Variants in TMEM232 observed in about 807,000 individuals in gnomAD.
The protein encoded by TMEM232 is transmembrane protein 232.
TMEM232 carries 80 observed loss-of-function variants against 78.8 expected under a neutral mutation model. The observed-to-expected ratio is 1.01, with a 90% CI of 0.85 to 1.22. The LOEUF (loss-of-function observed/expected upper bound fraction) is 1.22, where lower values mean the gene tolerates loss of function less well. Among genes scored for constraint, TMEM232 ranks in the 50% most tolerant of loss-of-function variants. The probability of loss-of-function intolerance (pLI) is 0.00; values close to 1 mark genes in which losing one functional copy is unlikely to be tolerated. For missense variants in TMEM232, 881 were observed against 742.2 expected (o/e 1.19, Z -2.17); for synonymous variants, 297 against 254.3 (o/e 1.17, Z -1.60).
At chr5:110,726,714 C>G (rs1798192400), upstream of TMEM232, 1 of 152,228 alleles carries the variant, frequency 6.6e-6, no homozygotes, top group Non-Finnish European at 1.5e-5. Context: ...CTTTTACGGT[C>G]TCGTGACCAG....
At chr5:110,663,816 T>C (rs1231393579) in intron 2 of TMEM232, among the ~76,000 whole-genome samples, 1 of 151,446 alleles carries the variant, frequency 6.6e-6, no homozygotes, top group Non-Finnish European at 1.5e-5. Flanking sequence ...ATAGAAAGCA[T>C]CAAGCAAATT....
chr5:110,429,664 T>G (rs937823677), intron 12 of TMEM232, among the ~76,000 whole-genome samples: 1 of 151,778 alleles, frequency 6.6e-6, no homozygotes, highest in Admixed American at 6.6e-5. Context: ...GGGGAAGATA[T>G]TTTATCAATT....
At chr5:110,576,434 A>T (rs1777580997) in intron 10 of TMEM232, among the ~76,000 whole-genome samples, 1 of 152,150 alleles carries the variant, frequency 6.6e-6, no homozygotes, top group Non-Finnish European at 1.5e-5. Flanking sequence ...AAGAAGAATC[A>T]ATATTGTTAA....
At chr5:110,652,957 C>T (rs116341810) in intron 2 of TMEM232, among the ~76,000 whole-genome samples, 2,214 of 152,318 alleles carry the variant, frequency 0.015, 31 homozygotes, top group Non-Finnish European at 0.021. Context: ...GTTAAATAGG[C>T]ATGCCATCCA....
intron 12 of TMEM232, among the ~76,000 whole-genome samples, chr5:110,494,701 G>A (rs1765459713): frequency 1.3e-5 from 2 of 151,954 alleles, no homozygotes; most frequent in African/African-American, 2.4e-5. Context: ...AATCCTGAAT[G>A]TCCATTGACA....
rs1488248169 is a variant in TMEM232, at chr5:110,670,217, G to T, written c.-12-2853C>A. ...GTCCCTGTTTGCAGATGACATGATT[G>T]TATATTTAGAAAACCCCATTGTCTC... is the stretch of plus-strand genomic sequence containing the variant. On this transcript the variant is annotated intron_variant, in intron 1 of 13. Transcript: ENST00000455884. Among the ~76,000 whole-genome samples, 12 of 152,286 alleles carry T rather than the reference G, an allele frequency of 7.9e-5. No individual in the cohort carries two copies. The South Asian group carries it at 2.5e-3, about 32-fold the overall frequency.
chr5:110,388,253 A>G (rs1356101342), intron 4 of TMEM232, among the ~76,000 whole-genome samples: 1 of 152,110 alleles, frequency 6.6e-6, no homozygotes, highest in Non-Finnish European at 1.5e-5. Flanking sequence ...ACCCGATCCT[A>G]AACTTATTAT....
At chr5:110,672,024 A>G (rs902153275) in intron 1 of TMEM232, among the ~76,000 whole-genome samples, 1 of 152,182 alleles carries the variant, frequency 6.6e-6, no homozygotes, top group Admixed American at 6.5e-5. Flanking sequence ...AAAGAAAAAA[A>G]TACAGGCCAT....
intron 12 of TMEM232, among the ~76,000 whole-genome samples, chr5:110,460,338 G>T (rs1230861616): frequency 1.3e-5 from 2 of 151,620 alleles, no homozygotes; most frequent in South Asian, 2.1e-4. Context: ...GAAAGGAAAT[G>T]AATGATAAAG....
chr5:110,421,105 A>G (rs1189438961), intron 13 of TMEM232, among the ~76,000 whole-genome samples: 1 of 151,964 alleles, frequency 6.6e-6, no homozygotes, highest in Non-Finnish European at 1.5e-5. Flanking sequence ...AACGAGATGA[A>G]AGCAAAACAG....
intron 4 of TMEM232, among the ~76,000 whole-genome samples, chr5:110,388,438 T>C (rs555641811): frequency 6.6e-6 from 1 of 152,326 alleles, no homozygotes; most frequent in South Asian, 2.1e-4. Context: ...TGCTTGTCTA[T>C]GTCTGAGGCT....
chr5:110,719,661 G>T (rs865833900), intron 1 of TMEM232, among the ~76,000 whole-genome samples: 3 of 151,952 alleles, frequency 2.0e-5, no homozygotes, highest in African/African-American at 7.2e-5. Context: ...TTGTGACTTG[G>T]CTAGGATATT....
chr5:110,713,807 G>T (rs1337991298), intron 1 of TMEM232, among the ~76,000 whole-genome samples: 1 of 152,118 alleles, frequency 6.6e-6, no homozygotes, highest in African/African-American at 2.4e-5. Context: ...TCCCAAGCTG[G>T]GTGGCAGAGA....
upstream of TMEM232, chr5:110,738,181 C>A: frequency 7.9e-7 from 1 of 1,270,666 alleles, no homozygotes; most frequent in South Asian, 1.3e-5. Flanking sequence ...AGGATGAAAC[C>A]ATGGAAGTCT....
intron 2 of TMEM232, among the ~76,000 whole-genome samples, chr5:110,411,062 C>T (rs1755978939): frequency 6.6e-6 from 1 of 152,102 alleles, no homozygotes; most frequent in African/African-American, 2.4e-5. Context: ...TGCAATCAGC[C>T]ACTTCCTTTG....
At chr5:110,570,538 T>C (rs888055714) in intron 10 of TMEM232, among the ~76,000 whole-genome samples, 8 of 151,624 alleles carry the variant, frequency 5.3e-5, no homozygotes, top group African/African-American at 1.9e-4. Flanking sequence ...GCTAGAAGAG[T>C]AAGGAAAGGG....
At chr5:110,593,851 G>A (rs1779830469) in intron 10 of TMEM232, among the ~76,000 whole-genome samples, 1 of 152,006 alleles carries the variant, frequency 6.6e-6, no homozygotes, top group Non-Finnish European at 1.5e-5. Context: ...AAAGTTAAAT[G>A]CTTGAGGTAT....
At chr5:110,722,162 A>G (rs916070216) in intron 1 of TMEM232, among the ~76,000 whole-genome samples, 1 of 152,130 alleles carries the variant, frequency 6.6e-6, no homozygotes, top group Non-Finnish European at 1.5e-5. Context: ...AAGTTCTTAC[A>G]ATGAAATCAC....
chr5:110,600,493 C>A (rs923776806), intron 10 of TMEM232, among the ~76,000 whole-genome samples: 32 of 152,116 alleles, frequency 2.1e-4, no homozygotes, highest in Non-Finnish European at 1.5e-5. Context: ...CACCACTGAT[C>A]CCACAGAAAT....
Sources: gnomAD v4.1 joint callset for allele counts (sites outside exome capture counted in the v4.1 genomes callset) on GRCh38, gnomAD v4.1.1 for gene constraint, MANE v1.5 for transcripts, NCBI Gene and HGNC (gene_info 2026-07-23, HGNC 2026-07-21) for gene names.